The following SLCO5A1 variants were observed in gnomAD, a reference collection of about 807,000 sequenced individuals.
SLCO5A1 encodes solute carrier organic anion transporter family member 5A1.
Under a neutral mutation model 65.1 loss-of-function variants are expected in SLCO5A1, and 39 were observed. That is an observed-to-expected ratio of 0.60 (90% CI 0.46 to 0.78). The LOEUF is 0.78. Among genes scored for constraint, SLCO5A1 ranks in the 30% least tolerant of loss-of-function variants. The pLI, the probability that SLCO5A1 is intolerant of heterozygous loss-of-function variation, is 0.00. For synonymous variants in SLCO5A1, 438 were observed against 415.7 expected (o/e 1.05, Z -0.65); for missense variants, 1,029 against 1,069.4 (o/e 0.96, Z 0.53).
chr8:69,781,395 C>A (rs1191187979), intron 2 of SLCO5A1, among the ~76,000 whole-genome samples: 1 of 152,214 alleles, frequency 6.6e-6, no homozygotes, highest in East Asian at 1.9e-4. Flanking sequence ...CATCAATCCA[C>A]AGGAGTTAGT....
intron 2 of SLCO5A1, among the ~76,000 whole-genome samples, chr8:69,812,694 G>A (rs567954063): frequency 6.6e-6 from 1 of 152,266 alleles, no homozygotes; most frequent in South Asian, 2.1e-4. Flanking sequence ...ACTACCCATC[G>A]CTCTTCATGA....
intron 2 of SLCO5A1, among the ~76,000 whole-genome samples, chr8:69,818,790 A>G (rs1820511223): frequency 6.6e-6 from 1 of 152,166 alleles, no homozygotes; most frequent in Non-Finnish European, 1.5e-5. Flanking sequence ...CAGAAGACAT[A>G]TCTGTGGCAC....
intron 5 of SLCO5A1, among the ~76,000 whole-genome samples, chr8:69,735,489 A>G (rs1396084309): frequency 2.0e-5 from 3 of 152,266 alleles, no homozygotes; most frequent in Non-Finnish European, 4.4e-5. Flanking sequence ...CTATGCAGCC[A>G]TAAAACGGAA....
intron 2 of SLCO5A1, among the ~76,000 whole-genome samples, chr8:69,783,587 G>A (rs1200878465): frequency 6.6e-6 from 1 of 151,782 alleles, no homozygotes; most frequent in African/African-American, 2.4e-5. Context: ...CAATTTTATG[G>A]TTAAGTGTAT....
intron 4 of SLCO5A1, among the ~76,000 whole-genome samples, chr8:69,750,108 C>T (rs149093638): frequency 2.6e-3 from 398 of 152,186 alleles, no homozygotes; most frequent in Non-Finnish European, 4.4e-3. Context: ...GAGATAAAGT[C>T]GAAGAGGTAA....
At chr8:69,819,877 C>T (rs186441046) in intron 2 of SLCO5A1, among the ~76,000 whole-genome samples, 2 of 152,258 alleles carry the variant, frequency 1.3e-5, no homozygotes, top group East Asian at 1.9e-4. Flanking sequence ...ACAGGAGAAT[C>T]GCTTGAACCC....
chr8:69,784,947 A>C (rs950479577), intron 2 of SLCO5A1, among the ~76,000 whole-genome samples: 6 of 147,954 alleles, frequency 4.1e-5, no homozygotes, highest in African/African-American at 1.5e-4. Flanking sequence ...AGAAAGAAAG[A>C]AAGAAGAAAG....
intron 2 of SLCO5A1, among the ~76,000 whole-genome samples, chr8:69,820,739 G>A (rs1313229055): frequency 1.3e-5 from 2 of 151,802 alleles, no homozygotes; most frequent in African/African-American, 4.8e-5. Context: ...CTCATATTCA[G>A]AGAAAAAAAT....
intron 2 of SLCO5A1, among the ~76,000 whole-genome samples, chr8:69,810,380 A>T (rs1820162742): frequency 1.3e-5 from 2 of 152,182 alleles, no homozygotes; most frequent in African/African-American, 4.8e-5. Context: ...CTTCTTAGCC[A>T]CTTTAAAGCT....
At chr8:69,825,678 C>T (rs1051040610) in intron 2 of SLCO5A1, among the ~76,000 whole-genome samples, 1 of 152,044 alleles carries the variant, frequency 6.6e-6, no homozygotes, top group African/African-American at 2.4e-5. Context: ...TAGGAAGAAT[C>T]AATATCGTGA....
At chr8:69,732,943 G>C (rs1405338011) in intron 5 of SLCO5A1, among the ~76,000 whole-genome samples, 1 of 151,668 alleles carries the variant, frequency 6.6e-6, no homozygotes, top group East Asian at 1.9e-4. Context: ...CAAGACTCTA[G>C]CATCCAGTTC....
Position 69,762,820 on chromosome 8 carries a change from T to C in SLCO5A1, c.908-945A>G, listed in dbSNP as rs531418084. Among the ~76,000 whole-genome samples the C allele has an allele frequency of 7.0e-4, 107 of 152,350 alleles. 1 individual carries two copies. In the Middle Eastern group the frequency reaches 0.01, roughly 15 times the overall value. ...TGTTACAATGCATTTGGTTTACTGT[T>C]AATTGAAGTATCTTACTCAAATATG... On this transcript the variant is annotated intron_variant, in intron 2 of 9. Transcript: ENST00000260126.
chr8:69,740,735 C>A (rs1816757198), intron 4 of SLCO5A1, among the ~76,000 whole-genome samples: 1 of 152,044 alleles, frequency 6.6e-6, no homozygotes, highest in Non-Finnish European at 1.5e-5. Context: ...TCTTGTTGAA[C>A]AAGAAAGCAA....
intron 5 of SLCO5A1, among the ~76,000 whole-genome samples, chr8:69,716,491 A>G (rs1815545806): frequency 6.6e-6 from 1 of 152,164 alleles, no homozygotes. Flanking sequence ...TGTTATTATC[A>G]CAGATAATAG....
At chr8:69,765,176 A>G (rs936056651) in intron 2 of SLCO5A1, among the ~76,000 whole-genome samples, 11 of 152,116 alleles carry the variant, frequency 7.2e-5, no homozygotes, top group African/African-American at 2.2e-4. Flanking sequence ...ATGTATATGT[A>G]TGTATATGTG....
intron 2 of SLCO5A1, among the ~76,000 whole-genome samples, chr8:69,796,246 TG>T (rs200313533): frequency 1.9e-4 from 29 of 151,748 alleles, no homozygotes; most frequent in African/African-American, 6.3e-4. Context: ...AAATGAGAGT[TG>T]GTTTTTTTTT....
intron 2 of SLCO5A1, among the ~76,000 whole-genome samples, chr8:69,805,089 G>A (rs1303807771): frequency 1.3e-5 from 2 of 151,782 alleles, no homozygotes; most frequent in African/African-American, 4.9e-5. Flanking sequence ...AAGCAATGGA[G>A]TGCACATCCA....
At chr8:69,753,272 G>A (rs1009264095) in intron 4 of SLCO5A1, among the ~76,000 whole-genome samples, 9 of 152,190 alleles carry the variant, frequency 5.9e-5, no homozygotes, top group Non-Finnish European at 1.0e-4. Flanking sequence ...CCCAAGAGGG[G>A]CAGGAGCTGC....
chr8:69,807,299 A>T (rs1408758657), intron 2 of SLCO5A1, among the ~76,000 whole-genome samples: 1 of 152,240 alleles, frequency 6.6e-6, no homozygotes, highest in African/African-American at 2.4e-5. Flanking sequence ...GGAATGATTA[A>T]GTAAGGATAA....
Sources: allele counts gnomAD v4.1 joint callset (sites outside exome capture counted in the v4.1 genomes callset), GRCh38; gene constraint gnomAD v4.1.1; transcripts MANE v1.5; gene names NCBI Gene and HGNC (gene_info 2026-07-23, HGNC 2026-07-21).